The following ACTA2 variants were observed in gnomAD, a reference collection of about 807,000 sequenced individuals.
ACTA2 encodes actin, aortic smooth muscle.
Under a neutral mutation model 39.5 loss-of-function variants are expected in ACTA2, and 12 were observed. That is an observed-to-expected ratio of 0.30 (90% confidence interval 0.19 to 0.49). The LOEUF (loss-of-function observed/expected upper bound fraction) is 0.49, where lower values mean the gene tolerates loss of function less well. ACTA2 is among the 20% of genes least tolerant of loss of function. The pLI, the probability that ACTA2 is intolerant of heterozygous loss-of-function variation, is 0.99. For missense variants in ACTA2, 236 were observed against 498.8 expected (o/e 0.47, Z 5.02); for synonymous variants, 158 against 180.6 (o/e 0.88, Z 1.00).
At position 88,990,770 on chromosome 10, in the gene ACTA2, C is replaced by A; in HGVS notation, c.-24+169G>T. 1 of 1,438,400 alleles carries A rather than the reference C, an allele frequency of 7.0e-7. No individual in the cohort carries two copies. The highest frequency in any genetic ancestry group is 9.8e-7 in the Non-Finnish European group (1 of 1,025,442). 89.1% of individuals were successfully genotyped at this position (1,438,400 alleles called of 1,614,324 possible). A position where few individuals can be genotyped will look rare whatever the true frequency, so the allele number is the denominator to read the frequency against. ...CACTGGCACGGAACACACCCTGAGG[C>A]CAGCCCTGGCTGCCCAGGCGGAGCT... On this transcript the variant is annotated intron_variant, in intron 1 of 4. Coordinates refer to the ACTA2 transcript ENST00000415557. The surrounding 1 kb of genome is among the most constrained non-coding windows in gnomAD (Gnocchi z 4.9).
At chr10:88,972,358 T>A (rs193079109) in intron 1 of ACTA2, among the ~76,000 whole-genome samples, 1 of 152,230 alleles carries the variant, frequency 6.6e-6, no homozygotes, top group Non-Finnish European at 1.5e-5. Context: ...GTAATAGTAA[T>A]TGATGTCACA....
chr10:88,965,422 A>G (rs1846301825), intron 1 of ACTA2, among the ~76,000 whole-genome samples: 1 of 152,214 alleles, frequency 6.6e-6, no homozygotes, highest in South Asian at 2.1e-4. Flanking sequence ...GAAAGAACAG[A>G]TAAGATGCAT....
intron 1 of ACTA2, among the ~76,000 whole-genome samples, chr10:88,983,324 A>C (rs1370548077): frequency 3.3e-5 from 5 of 152,220 alleles, no homozygotes; most frequent in African/African-American, 4.8e-5. Context: ...TTAAGAAAAT[A>C]ATATGACAAG....
At chr10:88,978,753 T>C (rs1315337932) in intron 1 of ACTA2, among the ~76,000 whole-genome samples, 2 of 152,184 alleles carry the variant, frequency 1.3e-5, no homozygotes, top group Admixed American at 1.3e-4. Flanking sequence ...TTTATTAAAA[T>C]GAATCCTCTC....
chr10:88,983,677 A>T (rs3903454), intron 1 of ACTA2, among the ~76,000 whole-genome samples: 51,778 of 148,372 alleles, frequency 0.35, 9,950 homozygotes, highest in East Asian at 0.52. Flanking sequence ...TCTGGACATT[A>T]TATAAGCATT....
At chr10:88,952,170 A>G (rs1846062105) in intron 1 of ACTA2, among the ~76,000 whole-genome samples, 2 of 152,312 alleles carry the variant, frequency 1.3e-5, no homozygotes, top group East Asian at 1.9e-4. Context: ...AAAAAGAGAT[A>G]TACATTTCCA....
rs1564641128 is a variant in ACTA2 at position 88,935,268 on chromosome 10, T to C, written c.1089A>G (p.Glu363=). Residue 363 remains glutamate, a synonymous_variant, in exon 9 of 9, where the codon GAA becomes GAG. Transcript: ENST00000224784. ...CAATGGAAGGCCCGGCTTCATCGTA[T>C]TCCTGTTTGCTGATCCACATCTGCT... is the stretch of plus-strand genomic sequence containing the variant. ...TFQQMWISKQ[E]YDEAGPSIVH... is the part of the protein sequence containing the mutation. 4 of 1,613,980 alleles carry C rather than the reference T, an allele frequency of 2.5e-6. No individual in the cohort carries two copies. Among genetic ancestry groups the C allele is most frequent in the South Asian group, 1.1e-5 (1 of 91,078 alleles).
At chr10:88,985,842 A>C (rs930198045) in intron 1 of ACTA2, among the ~76,000 whole-genome samples, 3 of 152,218 alleles carry the variant, frequency 2.0e-5, no homozygotes, top group African/African-American at 7.2e-5. Context: ...AGTAGAGAGA[A>C]AGCGCTGCCA....
At chr10:88,958,158 T>C (rs534529872) in intron 1 of ACTA2, among the ~76,000 whole-genome samples, 1 of 152,332 alleles carries the variant, frequency 6.6e-6, no homozygotes, top group East Asian at 1.9e-4. Flanking sequence ...TGTTCTATAA[T>C]AATATGTCCA....
At chr10:88,989,665 C>T (rs1564668277) in intron 1 of ACTA2, 1 of 464,310 alleles carries the variant, frequency 2.2e-6, no homozygotes, top group Non-Finnish European at 4.3e-6. Flanking sequence ...CCCAAACAGG[C>T]TCCAGAAGAA....
upstream of ACTA2, among the ~76,000 whole-genome samples, chr10:88,955,235 G>T (rs912349209): frequency 1.3e-5 from 2 of 152,200 alleles, no homozygotes; most frequent in African/African-American, 4.8e-5. Context: ...GCAGCACTCT[G>T]TAGATTTAGA....
At chr10:88,955,478 G>T (rs1316204959), upstream of ACTA2, among the ~76,000 whole-genome samples, 1 of 152,208 alleles carries the variant, frequency 6.6e-6, no homozygotes, top group East Asian at 1.9e-4. Context: ...GTCACAAACA[G>T]TTCTCCTAAG....
intron 6 of ACTA2, 79 bp from the exon 7 acceptor site, chr10:88,939,777 T>C: frequency 6.9e-7 from 1 of 1,446,326 alleles, no homozygotes; most frequent in Middle Eastern, 1.7e-4. Context: ...TACTGCAGTC[T>C]CTCCCTCAAG....
chr10:88,939,764 C>A, intron 6 of ACTA2, 66 bp from the exon 7 acceptor site: 1 of 1,517,754 alleles, frequency 6.6e-7, no homozygotes. Context: ...GATTCACCTG[C>A]CCTACTGCAG....
chr10:88,959,160 A>G (rs1046067195), intron 1 of ACTA2, among the ~76,000 whole-genome samples: 11 of 152,228 alleles, frequency 7.2e-5, no homozygotes, highest in Admixed American at 1.3e-4. Context: ...GGCTTTTTAA[A>G]TTTTATTTAA....
upstream of ACTA2, among the ~76,000 whole-genome samples, chr10:88,956,661 C>T (rs1180661407): frequency 6.6e-6 from 1 of 152,204 alleles, no homozygotes; most frequent in Non-Finnish European, 1.5e-5. Context: ...TTTGCCATTA[C>T]ATGTCAAGGC....
intron 5 of ACTA2, 82 bp from the exon 6 acceptor site, chr10:88,941,472 G>A: frequency 6.4e-7 from 1 of 1,565,488 alleles, no homozygotes; most frequent in Admixed American, 1.7e-5. Flanking sequence ...AAGCCTTGGG[G>A]GAGAGGGAAT....
upstream of ACTA2, among the ~76,000 whole-genome samples, chr10:88,954,793 T>C (rs1846107126): frequency 1.3e-5 from 2 of 152,144 alleles, no homozygotes; most frequent in Non-Finnish European, 2.9e-5. Flanking sequence ...AGACTTATAA[T>C]TGAAAATAAA....
chr10:88,946,847 C>G (rs955824851), intron 3 of ACTA2: 1 of 200,962 alleles, frequency 5.0e-6, no homozygotes, highest in Non-Finnish European at 1.0e-5. Context: ...CACCCATTAA[C>G]TCGTCATTTA....
Sources: gnomAD v4.1 joint callset for allele counts (sites outside exome capture counted in the v4.1 genomes callset) on GRCh38, gnomAD v4.1.1 for gene constraint, Gnocchi (gnomAD v3.1) non-coding constraint, MANE v1.5 for transcripts, NCBI Gene and HGNC (gene_info 2026-07-23, HGNC 2026-07-21) for gene names.